Variants in KCNQ3 observed in about 807,000 individuals in gnomAD.
KCNQ3 encodes the protein potassium voltage-gated channel subfamily KQT member 3.
In KCNQ3, 30 loss-of-function variants were observed where a neutral mutation model predicts 92.5. That is an observed-to-expected ratio of 0.32 (90% CI 0.24 to 0.44). The LOEUF (loss-of-function observed/expected upper bound fraction) is 0.44, where lower values mean the gene tolerates loss of function less well. Among genes scored for constraint, KCNQ3 ranks in the 20% least tolerant of loss-of-function variants. The probability of loss-of-function intolerance (pLI) is 1.00; values close to 1 mark genes in which losing one functional copy is unlikely to be tolerated. For synonymous variants in KCNQ3, 450 were observed against 468.8 expected, an observed-to-expected ratio of 0.96 and a Z score of 0.52; for missense variants, 913 against 1,140.3, an observed-to-expected ratio of 0.80 and a Z score of 2.87.
Position 132,197,695 on chromosome 8 carries a change from G to A in KCNQ3, c.387-11514C>T, listed in dbSNP as rs539636307. Among the ~76,000 whole-genome samples the A allele has an allele frequency of 2.0e-5, 3 of 152,262 alleles. No homozygotes were observed. In the East Asian group the frequency reaches 5.8e-4, roughly 29 times the overall value. On this transcript the variant is annotated intron_variant, in intron 1 of 14. Coordinates refer to ENST00000388996, the MANE Select transcript of KCNQ3 (RefSeq NM_004519.4). The stretch of plus-strand genomic sequence containing the variant: ...GGTGACATTTAATTTTTCATTTGTG[G>A]CGTGTATTCTATGTATCAGGCATGC...
intron 1 of KCNQ3, among the ~76,000 whole-genome samples, chr8:132,330,214 G>A (rs1439618095): frequency 4.6e-5 from 7 of 152,210 alleles, no homozygotes; most frequent in Admixed American, 2.0e-4. Context: ...GAACCCAAAC[G>A]AGGCAAGGAA....
chr8:132,240,318 C>T (rs1814951376), intron 1 of KCNQ3, among the ~76,000 whole-genome samples: 2 of 151,782 alleles, frequency 1.3e-5, no homozygotes. Flanking sequence ...TCCCGAGTAG[C>T]TGGGATTACA....
intron 1 of KCNQ3, among the ~76,000 whole-genome samples, chr8:132,371,634 C>T (rs1343373754): frequency 2.0e-4 from 30 of 152,200 alleles, no homozygotes; most frequent in Admixed American, 2.0e-3. Context: ...GGACAAGTAT[C>T]TTCAGAGGCA....
At chr8:132,158,289 A>G (rs1189299699) in intron 9 of KCNQ3, among the ~76,000 whole-genome samples, 2 of 152,206 alleles carry the variant, frequency 1.3e-5, no homozygotes, top group Admixed American at 1.3e-4. Flanking sequence ...TTTAGTAGTC[A>G]TTGATTTTGA....
At chr8:132,312,210 T>C (rs1385685347) in intron 1 of KCNQ3, among the ~76,000 whole-genome samples, 2 of 152,204 alleles carry the variant, frequency 1.3e-5, no homozygotes, top group Non-Finnish European at 2.9e-5. Flanking sequence ...GTCACTCAGG[T>C]TGTGGTGCTT....
intron 1 of KCNQ3, among the ~76,000 whole-genome samples, chr8:132,331,823 C>T (rs748411924): frequency 6.6e-6 from 1 of 152,222 alleles, no homozygotes; most frequent in African/African-American, 2.4e-5. Flanking sequence ...CACTGAGAAT[C>T]TGTCTCACAA....
intron 1 of KCNQ3, among the ~76,000 whole-genome samples, chr8:132,405,120 T>C (rs1397135615): frequency 1.3e-5 from 2 of 152,188 alleles, no homozygotes; most frequent in African/African-American, 4.8e-5. Flanking sequence ...ACATGCTCTT[T>C]GTTCATATTC....
chr8:132,420,208 C>G (rs958866052), intron 1 of KCNQ3, among the ~76,000 whole-genome samples: 6 of 152,078 alleles, frequency 3.9e-5, no homozygotes, highest in African/African-American at 1.4e-4. Context: ...GAAGATTCTC[C>G]CCCATGACCT....
At chr8:132,302,680 C>A (rs1454884285) in intron 1 of KCNQ3, among the ~76,000 whole-genome samples, 1 of 152,178 alleles carries the variant, frequency 6.6e-6, no homozygotes, top group Non-Finnish European at 1.5e-5. Context: ...TCAGAATGTT[C>A]TCTGGTCTTG....
rs1822526793 is a variant in KCNQ3 at position 132,480,470 on chromosome 8, TCCGCCGCCCCCGTCGCCG to T, written c.45_62del (p.Asp17_Gly22del). On this transcript the variant is annotated inframe_deletion, in exon 1 of 15. Transcript: ENST00000388996. ...CGGCTGGGTTAGCCGCCCCGCCGCC[TCCGCCGCCCCCGTCGCCG>T]CCGCCGCCAGCCGCCCCCGCCGCCC... is the stretch of plus-strand genomic sequence containing the variant. 8.0e-7 allele frequency: 1 copy of T among 1,243,790 alleles called. No individual in the cohort carries two copies. The highest frequency in any genetic ancestry group is 1.0e-6 in the Non-Finnish European group (1 of 999,746). 77.0% of individuals were successfully genotyped at this position (1,243,790 alleles called of 1,614,324 possible). A position where few individuals can be genotyped will look rare whatever the true frequency, so the allele number is the denominator to read the frequency against.
intron 1 of KCNQ3, among the ~76,000 whole-genome samples, chr8:132,252,070 C>T (rs999106461): frequency 7.9e-5 from 12 of 152,106 alleles, no homozygotes; most frequent in African/African-American, 2.4e-4. Context: ...ATCATGGCCA[C>T]TATGTATGAT....
At chr8:132,397,148 G>A (rs1172014420) in intron 1 of KCNQ3, among the ~76,000 whole-genome samples, 1 of 151,974 alleles carries the variant, frequency 6.6e-6, no homozygotes, top group Non-Finnish European at 1.5e-5. Context: ...TGGCTTAATG[G>A]GCTAATATCG....
At chr8:132,173,778 T>A (rs962382654) in intron 6 of KCNQ3, among the ~76,000 whole-genome samples, 5 of 152,192 alleles carry the variant, frequency 3.3e-5, no homozygotes, top group African/African-American at 1.2e-4. Flanking sequence ...TTGAGAGACA[T>A]GTATTTTTTA....
intron 1 of KCNQ3, among the ~76,000 whole-genome samples, chr8:132,198,749 G>A (rs1827377095): frequency 6.6e-6 from 1 of 152,188 alleles, no homozygotes; most frequent in African/African-American, 2.4e-5. Context: ...AGAGGTTGCA[G>A]TGAGCCGAGA....
At chr8:132,475,539 C>T (rs533170428) in intron 1 of KCNQ3, among the ~76,000 whole-genome samples, 1 of 152,254 alleles carries the variant, frequency 6.6e-6, no homozygotes, top group South Asian at 2.1e-4. Flanking sequence ...TTTGCACCTG[C>T]CCTAAAGATC....
chr8:132,417,324 G>A (rs770609855), intron 1 of KCNQ3, among the ~76,000 whole-genome samples: 18 of 152,132 alleles, frequency 1.2e-4, no homozygotes, highest in Non-Finnish European at 2.9e-5. Context: ...TCTTGGAGGA[G>A]CTGTGGCCCA....
intron 1 of KCNQ3, among the ~76,000 whole-genome samples, chr8:132,444,947 T>C (rs72721072): frequency 0.012 from 1,846 of 152,328 alleles, 13 homozygotes; most frequent in Middle Eastern, 0.02. Flanking sequence ...AGCTTTATTC[T>C]TAGAACAAAA....
rs1824582231 is a variant in KCNQ3, at chr8:132,124,049, TC to T, written c.*5212del. The T allele has an allele frequency of 1.3e-5, 2 of 152,170 alleles. No homozygotes were observed. Among genetic ancestry groups the T allele is most frequent in the African/African-American group, 4.8e-5 (2 of 41,430 alleles). 9.4% of individuals were successfully genotyped at this position (152,170 alleles called of 1,614,324 possible). A position where few individuals can be genotyped will look rare whatever the true frequency, so the allele number is the denominator to read the frequency against. ...ATTTGGCTTTATCTCCTACACATCA[TC>T]CAGATGGTGCAACATCTGGTACTAT... On this transcript the variant is annotated 3_prime_UTR_variant, in exon 15 of 15. Coordinates refer to ENST00000388996, the MANE Select transcript of KCNQ3 (RefSeq NM_004519.4).
chr8:132,158,688 C>G (rs1778646712), intron 9 of KCNQ3, among the ~76,000 whole-genome samples: 1 of 152,194 alleles, frequency 6.6e-6, no homozygotes, highest in African/African-American at 2.4e-5. Context: ...ACTTATCTAT[C>G]TGACCTCAGT....
Sources: allele counts gnomAD v4.1 joint callset (sites outside exome capture counted in the v4.1 genomes callset), GRCh38; gene constraint gnomAD v4.1.1; transcripts MANE v1.5; gene names NCBI Gene and HGNC (gene_info 2026-07-23, HGNC 2026-07-21).